Variants in PRSS12 observed in about 807,000 individuals in gnomAD.
PRSS12 encodes the protein serine protease 12.
In PRSS12, 85 loss-of-function variants were observed where a neutral mutation model predicts 104.4. The ratio of observed to expected loss-of-function variants is 0.81; its 90% CI spans 0.68 to 0.98. The LOEUF is 0.98. Ranked by LOEUF, PRSS12 falls within the 50% of genes least tolerant of loss-of-function variation. The pLI is 0.00. For synonymous variants in PRSS12, 454 were observed against 425.2 expected (o/e 1.07, Z -0.83); for missense variants, 1,141 against 1,139.2 (o/e 1.00, Z -0.02).
chr4:118,308,196 T>C (rs1390451270), intron 8 of PRSS12, among the ~76,000 whole-genome samples: 1 of 152,240 alleles, frequency 6.6e-6, no homozygotes, highest in Admixed American at 6.5e-5. Flanking sequence ...TATTAGACTA[T>C]TTTGTTATTA....
At position 118,289,699 on chromosome 4, in the gene PRSS12, C is replaced by T. The variant is rs879393455; in HGVS notation, c.2039+5240G>A. On this transcript the variant is annotated intron_variant, in intron 11 of 12. Transcript: ENST00000296498. ...AGCTGTATGCCTTTTAATAAACTTA[C>T]ATCAATAAAGATGTGAGCTGTAGCC... Among the ~76,000 whole-genome samples the T allele has an allele frequency of 5.3e-5, 8 of 152,312 alleles. No individual in the cohort carries two copies. In the South Asian group the frequency reaches 6.2e-4, roughly 12 times the overall value.
rs922143823 is a variant in PRSS12, at chr4:118,350,803, C to A, written c.502+1416G>T. Among the ~76,000 whole-genome samples, 6 of 152,152 alleles carry A rather than the reference C, an allele frequency of 3.9e-5. No homozygotes were observed. In the East Asian group the frequency reaches 1.2e-3, roughly 29 times the overall value. On this transcript the variant is annotated intron_variant, in intron 1 of 12. Coordinates refer to ENST00000296498, the MANE Select transcript of PRSS12 (RefSeq NM_003619.4). The stretch of plus-strand genomic sequence containing the variant: ...TAACTTTAAATTACTTTTCTTGAGT[C>A]TGTGCTTATGTACTTAAAGAGAAGT...
At chr4:118,338,447 T>G in intron 1 of PRSS12, 133 bp from the exon 2 acceptor site, 4 of 1,103,516 alleles carry the variant, frequency 3.6e-6, no homozygotes, top group Admixed American at 2.0e-5. Flanking sequence ...GCCTCCACTG[T>G]GTGTGGCATG....
At chr4:118,310,475 G>A (rs1346953040) in intron 7 of PRSS12, among the ~76,000 whole-genome samples, 2 of 152,120 alleles carry the variant, frequency 1.3e-5, no homozygotes, top group Admixed American at 1.3e-4. Flanking sequence ...TTCTTGAAGG[G>A]AAACTGGATG....
At position 118,335,667 on chromosome 4, in the gene PRSS12, G is replaced by A. The variant is rs1724046784; in HGVS notation, c.642-16C>T. 6.2e-7 allele frequency: 1 copy of A among 1,612,424 alleles called. No individual in the cohort carries two copies. Among genetic ancestry groups the A allele is most frequent in the African/African-American group, 1.3e-5 (1 of 74,776 alleles). Reference sequence around the variant, plus strand: ...TCCTTTTCCTCTGGAAGTACAATGAGCGATATTAGGTTTATCAAATGTAGG... The same window carrying A: ...TCCTTTTCCTCTGGAAGTACAATGAACGATATTAGGTTTATCAAATGTAGG... On this transcript the variant is annotated splice_polypyrimidine_tract_variant and intron_variant, in intron 2 of 12. Transcript: ENST00000296498.
intron 4 of PRSS12, among the ~76,000 whole-genome samples, chr4:118,331,041 T>A (rs1022287): frequency 0.82 from 125,473 of 152,164 alleles, 54,294 homozygotes; most frequent in Non-Finnish European, 0.95. Context: ...AAATATTTTT[T>A]AAAATCTGAA....
chr4:118,348,856 T>G (rs992732841), intron 1 of PRSS12, among the ~76,000 whole-genome samples: 20 of 152,104 alleles, frequency 1.3e-4, no homozygotes, highest in Admixed American at 6.5e-5. Flanking sequence ...TTCTCCACAT[T>G]GGTCAGCCTG....
In PRSS12 at chr4:118,316,268, T is replaced by C. The variant is rs1414842946; in HGVS notation, c.1206A>G (p.Val402=). ...CAGTTCCCCACTGGCCTCTGTAATA[T>C]ACCTCCAAGCGACCCTCATGGCTGC... ...GKGSHEGRLE[V]YYRGQWGTVC... is the part of the protein sequence containing the mutation. The change falls in exon 6 of 13, where the codon GTA becomes GTG. Residue 402 remains valine, a synonymous_variant. Transcript: ENST00000296498. 10 of 1,613,956 alleles carry C rather than the reference T, an allele frequency of 6.2e-6. No individual in the cohort carries two copies. The highest frequency in any genetic ancestry group is 2.2e-5 in the South Asian group (2 of 91,088).
At chr4:118,321,591 A>G (rs113364711) in intron 4 of PRSS12, among the ~76,000 whole-genome samples, 5 of 152,306 alleles carry the variant, frequency 3.3e-5, no homozygotes, top group African/African-American at 9.6e-5. Context: ...AGCTCAATAA[A>G]TGCTGGTTCC....
At chr4:118,305,758 T>C (rs1176769026) in intron 8 of PRSS12, among the ~76,000 whole-genome samples, 3 of 152,174 alleles carry the variant, frequency 2.0e-5, no homozygotes, top group East Asian at 1.9e-4. Context: ...CTAGAACTTA[T>C]TCATCTTGCA....
Position 118,352,406 on chromosome 4 carries a change from G to T in PRSS12, c.315C>A (p.Phe105Leu), listed in dbSNP as rs776809807. Residue 105 changes from phenylalanine (F) to leucine (L), a missense_variant, in exon 1 of 13, where the codon TTC (phenylalanine) becomes TTA (leucine). Transcript: ENST00000296498. ...CCGCCCACCGCAGACACGGGGCGCC[G>T]AAGTCCGTCACGCTGACCCATGGCT... is the stretch of plus-strand genomic sequence containing the variant. ...AGEPWVSVTD[F>L]GAPCLRWAEV... 3.3e-6 allele frequency: 5 copies of T among 1,538,360 alleles called. No homozygotes were observed. Among genetic ancestry groups the T allele is most frequent in the Non-Finnish European group, 4.4e-6 (5 of 1,146,854 alleles).
chr4:118,315,318 A>G (rs939247999), intron 6 of PRSS12, among the ~76,000 whole-genome samples: 2 of 152,074 alleles, frequency 1.3e-5, no homozygotes, highest in African/African-American at 4.8e-5. Context: ...AAAATTATGG[A>G]GTTTTTTATT....
chr4:118,316,176 C>A lies in PRSS12; in HGVS notation c.1292+6G>T. On this transcript the variant is annotated splice_donor_region_variant and intron_variant, in intron 6 of 12. Coordinates refer to ENST00000296498, the MANE Select transcript of PRSS12 (RefSeq NM_003619.4). ...TTTAACTGCCTTTATAATTAATGAA[C>A]CTTACTTAAATCCCAATTGTCGACA... The A allele has an allele frequency of 6.2e-7, 1 of 1,613,790 alleles. No individual in the cohort carries two copies. The highest frequency in any genetic ancestry group is 8.5e-7 in the Non-Finnish European group (1 of 1,179,914).
chr4:118,302,313 G>C (rs577759448), intron 8 of PRSS12, among the ~76,000 whole-genome samples: 1 of 152,100 alleles, frequency 6.6e-6, no homozygotes, highest in East Asian at 1.9e-4. Context: ...ATTAGATTGA[G>C]GTATAGTTTT....
intron 7 of PRSS12, among the ~76,000 whole-genome samples, chr4:118,308,793 T>C (rs1383717829): frequency 6.6e-6 from 1 of 152,210 alleles, no homozygotes; most frequent in Non-Finnish European, 1.5e-5. Context: ...TGCTCAACCT[T>C]GTATCCCCAG....
intron 11 of PRSS12, among the ~76,000 whole-genome samples, chr4:118,287,224 G>A (rs1288346902): frequency 6.6e-6 from 1 of 151,960 alleles, no homozygotes; most frequent in Non-Finnish European, 1.5e-5. Flanking sequence ...GGCTTACTGC[G>A]AGCCTTGATC....
At position 118,344,580 on chromosome 4, in the gene PRSS12, C is replaced by T. The variant is rs1724305293; in HGVS notation, c.503-6266G>A. Reference sequence around the variant, plus strand: ...TCCCCTGAACCAAGATCCAACTGAGCTATATTTGCCTCCATTAGTTCACAT... The same window carrying T: ...TCCCCTGAACCAAGATCCAACTGAGTTATATTTGCCTCCATTAGTTCACAT... On this transcript the variant is annotated intron_variant, in intron 1 of 12. Transcript: ENST00000296498. Among the ~76,000 whole-genome samples the T allele has an allele frequency of 2.0e-5, 3 of 152,082 alleles. No homozygotes were observed. The South Asian group carries it at 6.2e-4, about 32-fold the overall frequency.
intron 11 of PRSS12, 26 bp downstream of exon 11, chr4:118,294,913 G>C: frequency 1.9e-6 from 3 of 1,613,560 alleles, no homozygotes; most frequent in Non-Finnish European, 2.5e-6. Flanking sequence ...AGCTACACTA[G>C]GTTGTTTGGG....
intron 12 of PRSS12, among the ~76,000 whole-genome samples, 182 bp from the exon 13 acceptor site, chr4:118,282,425 T>C (rs988813757): frequency 6.6e-6 from 1 of 152,268 alleles, no homozygotes; most frequent in Non-Finnish European, 1.5e-5. Context: ...TGACACAATC[T>C]TAACCTTCAC....
Sources: gnomAD v4.1 joint callset for allele counts (sites outside exome capture counted in the v4.1 genomes callset) on GRCh38, gnomAD v4.1.1 for gene constraint, MANE v1.5 for transcripts, NCBI Gene and HGNC (gene_info 2026-07-23, HGNC 2026-07-21) for gene names.